The following PSTPIP2 variants were observed in gnomAD, a reference collection of about 807,000 sequenced individuals.
The protein encoded by PSTPIP2 is proline-serine-threonine phosphatase-interacting protein 2.
A neutral mutation model predicts 63.3 loss-of-function variants in PSTPIP2; 33 were observed. The observed-to-expected ratio is 0.52, with a 90% confidence interval of 0.40 to 0.70. The LOEUF is 0.70. PSTPIP2 is among the 30% of genes least tolerant of loss of function. The probability of loss-of-function intolerance (pLI) is 0.00; values close to 1 mark genes in which losing one functional copy is unlikely to be tolerated. For synonymous variants in PSTPIP2, 125 were observed against 132.7 expected (o/e 0.94, Z 0.40); for missense variants, 312 against 400.7 (o/e 0.78, Z 1.89).
At chr18:46,047,869 A>T (rs1370275479) in intron 1 of PSTPIP2, among the ~76,000 whole-genome samples, 1 of 152,224 alleles carries the variant, frequency 6.6e-6, no homozygotes, top group East Asian at 1.9e-4. Context: ...GAAACTGGAT[A>T]TTTACATGGT....
chr18:46,027,209 C>T lies in PSTPIP2; in HGVS notation c.135-2523G>A, dbSNP rs373316503. 5.2e-4 allele frequency among the ~76,000 whole-genome samples: 79 copies of T among 151,962 alleles called. No individual in the cohort carries two copies. In the East Asian group the frequency reaches 0.011, roughly 22 times the overall value. On this transcript the variant is annotated intron_variant, in intron 2 of 14. Coordinates refer to ENST00000409746, the MANE Select transcript of PSTPIP2 (RefSeq NM_024430.4). ...ACTTGGGAGGCTGAGGCAGGAGAAT[C>T]GCTTGAACCGGGGAGGCAGAGGTTA... is the stretch of plus-strand genomic sequence containing the variant.
In PSTPIP2 at chr18:46,033,961, G is replaced by A. The variant is rs371927702; in HGVS notation, c.134+5986C>T. 1.3e-4 allele frequency among the ~76,000 whole-genome samples: 20 copies of A among 152,284 alleles called. No homozygotes were observed. The South Asian group carries it at 4.1e-3, about 32-fold the overall frequency. ...TGTTATTTAAAGCCATTCAGTTAGA[G>A]GCAATTTGTCCCAACAGTCCTAAAA... On this transcript the variant is annotated intron_variant, in intron 2 of 14. Transcript: ENST00000409746.
intron 1 of PSTPIP2, among the ~76,000 whole-genome samples, chr18:46,043,966 G>C (rs1028977174): frequency 6.6e-6 from 1 of 152,048 alleles, no homozygotes; most frequent in Non-Finnish European, 1.5e-5. Flanking sequence ...AATTACAAAA[G>C]GTACAGCTAA....
chr18:46,022,272 T>A (rs966866262), intron 3 of PSTPIP2, among the ~76,000 whole-genome samples: 5 of 74,122 alleles, frequency 6.7e-5, no homozygotes, highest in African/African-American at 1.5e-4. Context: ...CTAGGATGAG[T>A]GTGTGTGTAT....
chr18:45,996,394 G>A (rs922118062), intron 9 of PSTPIP2, among the ~76,000 whole-genome samples: 1 of 152,146 alleles, frequency 6.6e-6, no homozygotes, highest in African/African-American at 2.4e-5. Flanking sequence ...TTTCTGATTC[G>A]GTAGGTCTGA....
chr18:46,041,877 C>A (rs895056416), intron 1 of PSTPIP2, among the ~76,000 whole-genome samples: 1 of 152,160 alleles, frequency 6.6e-6, no homozygotes, highest in Non-Finnish European at 1.5e-5. Flanking sequence ...CTCTTCCCAG[C>A]GCCAGTTTGC....
intron 9 of PSTPIP2, among the ~76,000 whole-genome samples, chr18:45,995,816 T>C (rs1368418977): frequency 1.3e-5 from 2 of 152,292 alleles, no homozygotes; most frequent in East Asian, 1.9e-4. Flanking sequence ...TTTTGTTTTT[T>C]GCTTTTTGGG....
At chr18:46,012,994 G>A (rs948064087) in intron 4 of PSTPIP2, among the ~76,000 whole-genome samples, 1 of 152,122 alleles carries the variant, frequency 6.6e-6, no homozygotes. Flanking sequence ...GCATTAAACT[G>A]TCTGGAGACA....
intron 5 of PSTPIP2, among the ~76,000 whole-genome samples, chr18:46,010,172 T>C (rs2051780099): frequency 6.6e-6 from 1 of 152,140 alleles, no homozygotes; most frequent in Admixed American, 6.5e-5. Context: ...GGACCTAGAC[T>C]CCAACCCAGA....
chr18:46,044,830 C>A (rs1216035029), intron 1 of PSTPIP2, among the ~76,000 whole-genome samples: 1 of 152,120 alleles, frequency 6.6e-6, no homozygotes, highest in Non-Finnish European at 1.5e-5. Flanking sequence ...CAAACAACCC[C>A]ATCAAAAAGT....
chr18:46,047,406 C>T (rs1479208182), intron 1 of PSTPIP2, among the ~76,000 whole-genome samples: 1 of 152,152 alleles, frequency 6.6e-6, no homozygotes, highest in East Asian at 1.9e-4. Context: ...AACCTCGTCT[C>T]TACTACAAAT....
At chr18:46,056,163 C>A (rs1908748097) in intron 1 of PSTPIP2, among the ~76,000 whole-genome samples, 1 of 152,192 alleles carries the variant, frequency 6.6e-6, no homozygotes, top group South Asian at 2.1e-4. Context: ...TTCTTATGTC[C>A]AGGTGGTCCC....
At chr18:46,066,730 C>T (rs920222606) in intron 1 of PSTPIP2, among the ~76,000 whole-genome samples, 1 of 152,140 alleles carries the variant, frequency 6.6e-6, no homozygotes, top group Non-Finnish European at 1.5e-5. Context: ...AGAACAGTTT[C>T]TTTAAAAGGG....
chr18:46,045,979 G>A (rs917286425), intron 1 of PSTPIP2, among the ~76,000 whole-genome samples: 2 of 152,154 alleles, frequency 1.3e-5, no homozygotes, highest in Admixed American at 1.3e-4. Flanking sequence ...TTGAAGCTAC[G>A]GTAATTGAAA....
intron 6 of PSTPIP2, among the ~76,000 whole-genome samples, chr18:46,000,260 C>T (rs1319349073): frequency 1.3e-5 from 2 of 152,176 alleles, no homozygotes; most frequent in Non-Finnish European, 2.9e-5. Flanking sequence ...GGTTATTTGG[C>T]ACCAACTCAC....
chr18:46,068,791 T>C (rs1295855777), intron 1 of PSTPIP2, among the ~76,000 whole-genome samples: 1 of 152,098 alleles, frequency 6.6e-6, no homozygotes, highest in Non-Finnish European at 1.5e-5. Flanking sequence ...CCCCTACAGA[T>C]ACCAAGAGAT....
At chr18:46,044,679 G>A (rs1475327990) in intron 1 of PSTPIP2, among the ~76,000 whole-genome samples, 1 of 152,030 alleles carries the variant, frequency 6.6e-6, no homozygotes, top group African/African-American at 2.4e-5. Context: ...CAACTAAAGA[G>A]CTTCTGCACA....
rs1297575417 is a variant in PSTPIP2 at position 45,984,075 on chromosome 18, G to A, written c.*1384C>T. 6.6e-6 allele frequency: 1 copy of A among 152,200 alleles called. No individual in the cohort carries two copies. Among genetic ancestry groups the A allele is most frequent in the Non-Finnish European group, 1.5e-5 (1 of 68,060 alleles). 9.4% of individuals were successfully genotyped at this position (152,200 alleles called of 1,614,324 possible). The stretch of plus-strand genomic sequence containing the variant: ...AGGCAGGAGAATCACTTGAACCCGG[G>A]AGGCAGAGGTTGCAGTGAGCTGAGA... On this transcript the variant is annotated 3_prime_UTR_variant, in exon 15 of 15. Transcript: ENST00000409746.
At chr18:46,068,716 A>G (rs767148605) in intron 1 of PSTPIP2, among the ~76,000 whole-genome samples, 33 of 152,198 alleles carry the variant, frequency 2.2e-4, no homozygotes, top group Non-Finnish European at 4.1e-4. Context: ...TGAAAAAGAA[A>G]AAAGAAAAGA....
Sources: gnomAD v4.1 joint callset for allele counts (sites outside exome capture counted in the v4.1 genomes callset) on GRCh38, gnomAD v4.1.1 for gene constraint, MANE v1.5 for transcripts, NCBI Gene and HGNC (gene_info 2026-07-23, HGNC 2026-07-21) for gene names.